Variants in CEP128 observed in about 807,000 individuals in gnomAD.
CEP128 encodes centrosomal protein 128.
A neutral mutation model predicts 156.7 loss-of-function variants in CEP128; 132 were observed. The observed-to-expected ratio is 0.84, with a 90% CI of 0.73 to 0.97. The LOEUF is 0.97. CEP128 is among the 50% of genes least tolerant of loss of function. The probability of loss-of-function intolerance (pLI) is 0.00; values close to 1 mark genes in which losing one functional copy is unlikely to be tolerated. For synonymous variants in CEP128, 469 were observed against 448.9 expected, an observed-to-expected ratio of 1.04 and a Z score of -0.57; for missense variants, 1,252 against 1,281.9, an observed-to-expected ratio of 0.98 and a Z score of 0.36.
At chr14:80,653,271 C>T (rs986673308) in intron 19 of CEP128, among the ~76,000 whole-genome samples, 4 of 151,982 alleles carry the variant, frequency 2.6e-5, no homozygotes, top group East Asian at 1.9e-4. Flanking sequence ...CACCATGGCA[C>T]GTTTATACCT....
At chr14:80,599,515 T>C (rs1009120993) in intron 19 of CEP128, among the ~76,000 whole-genome samples, 30 of 152,028 alleles carry the variant, frequency 2.0e-4, no homozygotes, top group African/African-American at 7.2e-4. Flanking sequence ...GACCTCGTGA[T>C]CCACCCGCCT....
chr14:80,873,304 C>T (rs1888118552), intron 8 of CEP128, among the ~76,000 whole-genome samples: 1 of 152,148 alleles, frequency 6.6e-6, no homozygotes, highest in Admixed American at 6.5e-5. Context: ...AGAGTTTGAG[C>T]TCTCTCTGAA....
At chr14:80,487,912 C>T (rs917104002), downstream of CEP128, among the ~76,000 whole-genome samples, 5 of 151,666 alleles carry the variant, frequency 3.3e-5, no homozygotes, top group East Asian at 2.0e-4. Context: ...TAAATGCCCA[C>T]AAGAGAAAGC....
At chr14:80,775,868 T>C (rs1271392916) in intron 16 of CEP128, among the ~76,000 whole-genome samples, 1 of 152,272 alleles carries the variant, frequency 6.6e-6, no homozygotes, top group Non-Finnish European at 1.5e-5. Context: ...AGTCTCGCGC[T>C]GTCGCCCAGG....
rs772452675 is a variant in CEP128 at position 80,916,514 on chromosome 14, G to A, written c.34C>T (p.Arg12Cys). Residue 12 changes from arginine (R) to cysteine (C), a missense_variant, in exon 3 of 25, where the codon CGC becomes TGC. Physicochemically the swap from Arg to Cys is radical, Grantham distance 180 (BLOSUM62 -3). Coordinates refer to ENST00000555265, the MANE Select transcript of CEP128 (RefSeq NM_152446.5). ...CATGGACTCAATCGGTCACGACAGCGGAAGTGATCTGATTCGCTGGATGAT... is the reference window on the plus strand; with the variant it reads ...CATGGACTCAATCGGTCACGACAGCAGAAGTGATCTGATTCGCTGGATGAT... ...AESSSESDHF[R>C]CRDRLSPWAA... 3.4e-5 allele frequency: 55 copies of A among 1,613,654 alleles called. No individual in the cohort carries two copies. Among genetic ancestry groups the A allele is most frequent in the Admixed American group, 1.8e-4 (11 of 59,982 alleles).
At chr14:80,596,416 C>CA (rs1163192433) in intron 19 of CEP128, among the ~76,000 whole-genome samples, 18 of 151,860 alleles carry the variant, frequency 1.2e-4, no homozygotes, top group East Asian at 3.9e-4. Flanking sequence ...ATAAATATAA[C>CA]AAAAAAACCT....
intron 1 of CEP128, 80 bp downstream of exon 1, chr14:80,941,501 G>A (rs1225085853): frequency 2.0e-5 from 3 of 152,680 alleles, no homozygotes; most frequent in African/African-American, 7.2e-5. Flanking sequence ...CCCCTGGGAC[G>A]AGGGGAAGTG....
rs1888194565 is a variant in CEP128 at position 80,510,472 on chromosome 14, C to T, written c.3073-5452G>A. 2.6e-5 allele frequency among the ~76,000 whole-genome samples: 4 copies of T among 152,132 alleles called. No homozygotes were observed. In the South Asian group the frequency reaches 8.3e-4, roughly 32 times the overall value. On this transcript the variant is annotated intron_variant, in intron 23 of 24. Coordinates refer to ENST00000555265, the MANE Select transcript of CEP128 (RefSeq NM_152446.5). Reference sequence around the variant, plus strand: ...TAATTTTTGTATGTAGGTTTTGTATCCTTCAAATTTACTGAATTGGTTTAT... The same window carrying T: ...TAATTTTTGTATGTAGGTTTTGTATTCTTCAAATTTACTGAATTGGTTTAT...
At chr14:80,740,494 C>CTAGA (rs200610505) in intron 19 of CEP128, among the ~76,000 whole-genome samples, 1,764 of 140,876 alleles carry the variant, frequency 0.013, 21 homozygotes, top group African/African-American at 0.034. Context: ...ATATTTATAT[C>CTAGA]TAGATAGATA....
At chr14:80,739,638 C>CT (rs536749997) in intron 19 of CEP128, among the ~76,000 whole-genome samples, 3,669 of 151,198 alleles carry the variant, frequency 0.024, 58 homozygotes, top group Middle Eastern at 0.041. Context: ...TTTTAATATT[C>CT]TTTTTTTTTG....
At chr14:80,607,421 C>T (rs1892828628) in intron 19 of CEP128, among the ~76,000 whole-genome samples, 1 of 151,900 alleles carries the variant, frequency 6.6e-6, no homozygotes, top group Non-Finnish European at 1.5e-5. Context: ...AGAGAAAGAC[C>T]CCTTTTGGAC....
chr14:80,631,561 T>A lies in CEP128; in HGVS notation c.2807-51138A>T, dbSNP rs1428972460. Reference sequence around the variant, plus strand: ...TACTACTGTTTGTTTCTATATGTGATTCGGTATCTGCAAAGATCAATGAGT... The same window carrying A: ...TACTACTGTTTGTTTCTATATGTGAATCGGTATCTGCAAAGATCAATGAGT... On this transcript the variant is annotated intron_variant, in intron 19 of 24. Coordinates refer to ENST00000555265, the MANE Select transcript of CEP128 (RefSeq NM_152446.5). Among the ~76,000 whole-genome samples the A allele has an allele frequency of 7.9e-5, 12 of 152,188 alleles. No individual in the cohort carries two copies. In the Middle Eastern group the frequency reaches 0.01, roughly 129 times the overall value.
At chr14:80,656,302 TATATATATATATATATATA>T (rs1895154532) in intron 19 of CEP128, among the ~76,000 whole-genome samples, 3 of 10,316 alleles carry the variant, frequency 2.9e-4, no homozygotes, top group South Asian at 6.5e-3. Flanking sequence ...TATATATATA[TATATATATATATATATATA>T]TATATATATA....
At chr14:80,482,875 C>A (rs774523768) in intron 14 of CEP128, among the ~76,000 whole-genome samples, 17 of 152,114 alleles carry the variant, frequency 1.1e-4, no homozygotes, top group Non-Finnish European at 1.9e-4. Context: ...GAAAATAAAT[C>A]GCTAAATGAC....
chr14:80,551,689 G>A (rs1440603447), intron 21 of CEP128, among the ~76,000 whole-genome samples: 1 of 152,158 alleles, frequency 6.6e-6, no homozygotes, highest in Non-Finnish European at 1.5e-5. Flanking sequence ...TCTTAGCTTT[G>A]ATTTCTGGAG....
chr14:80,513,688 A>G (rs1274455306), intron 23 of CEP128, among the ~76,000 whole-genome samples: 4 of 152,156 alleles, frequency 2.6e-5, no homozygotes, highest in Admixed American at 2.6e-4. Flanking sequence ...GTTGTGCCCT[A>G]CAAACTATAC....
chr14:80,569,995 A>G (rs771458660), intron 20 of CEP128, among the ~76,000 whole-genome samples: 1 of 152,190 alleles, frequency 6.6e-6, no homozygotes, highest in African/African-American at 2.4e-5. Flanking sequence ...AACAAAAGGG[A>G]CACTGGTATG....
intron 15 of CEP128, among the ~76,000 whole-genome samples, chr14:80,779,927 CAA>C (rs539387978): frequency 3.8e-4 from 58 of 152,094 alleles, no homozygotes; most frequent in Non-Finnish European, 6.3e-4. Flanking sequence ...TGACCAAGAT[CAA>C]ATGGTCAGCA....
At chr14:80,508,846 G>A (rs188577272) in intron 23 of CEP128, among the ~76,000 whole-genome samples, 11 of 152,292 alleles carry the variant, frequency 7.2e-5, no homozygotes, top group South Asian at 2.1e-4. Flanking sequence ...CATACAGAGT[G>A]CAATAATCCT....
Sources: gnomAD v4.1 joint callset for allele counts (sites outside exome capture counted in the v4.1 genomes callset) on GRCh38, gnomAD v4.1.1 for gene constraint, MANE v1.5 for transcripts, NCBI Gene and HGNC (gene_info 2026-07-23, HGNC 2026-07-21) for gene names.